Variants in LMO4 observed in about 807,000 individuals in gnomAD.
LMO4 encodes LIM domain transcription factor LMO4.
Under a neutral mutation model 18.5 loss-of-function variants are expected in LMO4, and 3 were observed. The ratio of observed to expected loss-of-function variants is 0.16; its 90% CI spans 0.07 to 0.42. The LOEUF is 0.42. Ranked by LOEUF, LMO4 falls within the 10% of genes least tolerant of loss-of-function variation. The pLI, the probability that LMO4 is intolerant of heterozygous loss-of-function variation, is 0.99. For missense variants in LMO4, 121 were observed against 219.9 expected (o/e 0.55, Z 2.84); for synonymous variants, 100 against 88.1 (o/e 1.14, Z -0.76).
chr1:87,339,882 A>G (rs973893141), intron 3 of LMO4, among the ~76,000 whole-genome samples, 165 bp from the exon 4 acceptor site: 24 of 152,202 alleles, frequency 1.6e-4, no homozygotes, highest in African/African-American at 5.5e-4. Context: ...GTTGATAGCA[A>G]TTTGGCTTAC....
intron 3 of LMO4, 70 bp downstream of exon 3, chr1:87,339,702 C>G (rs533651333): frequency 7.2e-5 from 69 of 960,144 alleles, no homozygotes; most frequent in Non-Finnish European, 1.1e-4. Flanking sequence ...GGGGGCAAAG[C>G]ATTTCTCCTT....
At chr1:87,335,885 A>T (rs928153394) in intron 2 of LMO4, among the ~76,000 whole-genome samples, 1 of 151,894 alleles carries the variant, frequency 6.6e-6, no homozygotes, top group East Asian at 1.9e-4. Context: ...AAAAAAAAAA[A>T]CAGGATCTCA....
rs763763210 is a variant in LMO4, at chr1:87,344,811, G to T, written c.*15G>T. The T allele has an allele frequency of 6.2e-7, 1 of 1,613,632 alleles. No homozygotes were observed. The highest frequency in any genetic ancestry group is 8.5e-7 in the Non-Finnish European group (1 of 1,179,624). On this transcript the variant is annotated 3_prime_UTR_variant, in exon 5 of 5. Coordinates refer to ENST00000370544, the MANE Select transcript of LMO4 (RefSeq NM_006769.4). ...AGGTCTGCTAAAAGGTCAGAGTAAT[G>T]CAGAATGCGTGCCTTCATCTCAGAT...
intron 1 of LMO4, chr1:87,331,343 A>C (rs1240738342): frequency 6.6e-6 from 1 of 152,200 alleles, no homozygotes; most frequent in African/African-American, 2.4e-5. Context: ...CAGTTTCGCA[A>C]CTTTACACAC....
intron 2 of LMO4, among the ~76,000 whole-genome samples, chr1:87,334,318 C>G (rs1281336204): frequency 1.3e-5 from 2 of 152,188 alleles, no homozygotes; most frequent in African/African-American, 2.4e-5. Context: ...TGGCCTCACA[C>G]TTAGCTCAGG....
At chr1:87,337,070 T>A (rs968380549) in intron 2 of LMO4, among the ~76,000 whole-genome samples, 2 of 152,208 alleles carry the variant, frequency 1.3e-5, no homozygotes, top group African/African-American at 4.8e-5. Flanking sequence ...AGAATGTGTA[T>A]AGACACGTAA....
At chr1:87,340,675 T>A (rs776230303) in intron 4 of LMO4, among the ~76,000 whole-genome samples, 1 of 152,218 alleles carries the variant, frequency 6.6e-6, no homozygotes, top group Non-Finnish European at 1.5e-5. Flanking sequence ...ACAATTCATT[T>A]ACTTTTTAGA....
chr1:87,335,121 G>T (rs1650267185), intron 2 of LMO4, among the ~76,000 whole-genome samples: 1 of 152,098 alleles, frequency 6.6e-6, no homozygotes, highest in Admixed American at 6.5e-5. Context: ...ACAAAAATAG[G>T]GGAACCTTGG....
At position 87,341,382 on chromosome 1, in the gene LMO4, C is replaced by T. The variant is rs185226824; in HGVS notation, c.489+1180C>T. On this transcript the variant is annotated intron_variant, in intron 4 of 4. Transcript: ENST00000370544. ...TTATTGCATTGAAACAAAAAGTGCA[C>T]ACTTCACTTGGTAATTCTTTATGGA... is the stretch of plus-strand genomic sequence containing the variant. Among the ~76,000 whole-genome samples the T allele has an allele frequency of 3.3e-5, 5 of 152,246 alleles. No homozygotes were observed. The East Asian group carries it at 5.8e-4, about 18-fold the overall frequency.
intron 1 of LMO4, chr1:87,331,337 T>G (rs1650138413): frequency 6.6e-6 from 1 of 152,116 alleles, no homozygotes; most frequent in Admixed American, 6.5e-5. Flanking sequence ...AAAAACCAGT[T>G]TCGCAACTTT....
intron 2 of LMO4, among the ~76,000 whole-genome samples, chr1:87,334,553 G>A (rs1650244106): frequency 6.6e-6 from 1 of 152,224 alleles, no homozygotes; most frequent in South Asian, 2.1e-4. Context: ...CTGCTCGCCC[G>A]CCGCCAGGTG....
chr1:87,340,247 G>A, intron 4 of LMO4, 45 bp downstream of exon 4: 2 of 1,597,524 alleles, frequency 1.3e-6, no homozygotes, highest in Non-Finnish European at 8.6e-7. Context: ...GAGCAAGTTG[G>A]AAGGTTCAAC....
At position 87,339,587 on chromosome 1, in the gene LMO4, G is replaced by A. The variant is rs374272860; in HGVS notation, c.288G>A (p.Ala96=). The A allele has an allele frequency of 2.9e-5, 46 of 1,613,814 alleles. No individual in the cohort carries two copies. The highest frequency in any genetic ancestry group is 2.4e-5 in the Non-Finnish European group (28 of 1,179,892). ...ACSACGQSIP[A]SELVMRAQGN... is the part of the protein sequence containing the mutation. The stretch of plus-strand genomic sequence containing the variant: ...GCGCTTGCGGACAGTCGATTCCTGC[G>A]AGTGAACTCGTCATGAGGGCGCAAG... Residue 96 remains alanine, a synonymous_variant, in exon 3 of 5, where the codon GCG becomes GCA. Coordinates refer to ENST00000370544, the MANE Select transcript of LMO4 (RefSeq NM_006769.4).
In LMO4 at chr1:87,346,112, A is replaced by G. The variant is rs1650619017; in HGVS notation, c.*1316A>G. 1.3e-5 allele frequency: 2 copies of G among 152,172 alleles called. No individual in the cohort carries two copies. The highest frequency in any genetic ancestry group is 2.4e-5 in the African/African-American group (1 of 41,438). 9.4% of individuals were successfully genotyped at this position (152,172 alleles called of 1,614,324 possible). On this transcript the variant is annotated 3_prime_UTR_variant, in exon 5 of 5. Coordinates refer to ENST00000370544, the MANE Select transcript of LMO4 (RefSeq NM_006769.4). ...GTGATCTTTGATTGGTGAAGTAGCC[A>G]TTTCCTGGTGACCCTTAGGCTCGTG...
chr1:87,341,748 A>G (rs928443220), intron 4 of LMO4, among the ~76,000 whole-genome samples: 2 of 152,222 alleles, frequency 1.3e-5, no homozygotes, highest in Non-Finnish European at 1.5e-5. Flanking sequence ...GCTACATAGA[A>G]TAACCATTTT....
Position 87,348,566 on chromosome 1 carries a change from A to AGT in LMO4, c.*3773_*3774dup. On this transcript the variant is annotated 3_prime_UTR_variant, in exon 5 of 5. Transcript: ENST00000370544. The stretch of plus-strand genomic sequence containing the variant: ...GAGTCTGAGATCTGACTAGCAGCAA[A>AGT]GTGTAGCACATTCGCCGATGCTGGG... The AGT allele has an allele frequency of 2.5e-6, 1 of 397,190 alleles. No individual in the cohort carries two copies. Among genetic ancestry groups the AGT allele is most frequent in the East Asian group, 7.2e-5 (1 of 13,888 alleles). 24.6% of individuals were successfully genotyped at this position (397,190 alleles called of 1,614,324 possible).
At chr1:87,333,418 T>G (rs1165303262) in intron 2 of LMO4, among the ~76,000 whole-genome samples, 1 of 152,202 alleles carries the variant, frequency 6.6e-6, no homozygotes, top group Non-Finnish European at 1.5e-5. Flanking sequence ...AGTAGAAAAT[T>G]TTTTTCTTTC....
At chr1:87,344,038 C>G (rs1048866867) in intron 4 of LMO4, among the ~76,000 whole-genome samples, 4 of 152,186 alleles carry the variant, frequency 2.6e-5, no homozygotes, top group Non-Finnish European at 5.9e-5. Context: ...TTATCTATCA[C>G]AGGTCATTAA....
chr1:87,338,622 A>G (rs1650381826), intron 2 of LMO4, among the ~76,000 whole-genome samples: 1 of 152,208 alleles, frequency 6.6e-6, no homozygotes, highest in Non-Finnish European at 1.5e-5. Flanking sequence ...GGAATTATGT[A>G]TATGTTTTTC....
Sources: gnomAD v4.1 joint callset for allele counts (sites outside exome capture counted in the v4.1 genomes callset) on GRCh38, gnomAD v4.1.1 for gene constraint, MANE v1.5 for transcripts, NCBI Gene and HGNC (gene_info 2026-07-23, HGNC 2026-07-21) for gene names.